ADAM10: variants seen among roughly 807,000 people sequenced by gnomAD.
The protein encoded by ADAM10 is ADAM metallopeptidase domain 10.
A neutral mutation model predicts 90.1 loss-of-function variants in ADAM10; 17 were observed. The ratio of observed to expected loss-of-function variants is 0.19; its 90% CI spans 0.13 to 0.28. The LOEUF is 0.28. Among genes scored for constraint, ADAM10 ranks in the 10% least tolerant of loss-of-function variants. The pLI is 1.00. For synonymous variants in ADAM10, 310 were observed against 298.6 expected, an observed-to-expected ratio of 1.04 and a Z score of -0.40; for missense variants, 610 against 914.3, an observed-to-expected ratio of 0.67 and a Z score of 4.29.
rs1162019655 is a variant in ADAM10, at chr15:58,679,169, G to T, written c.439C>A (p.Arg147=). ...VEPAERYIKD[R]TLPFHSVIYH... Reference sequence around the variant, plus strand: ...ATGACAGAGTGAAATGGCAGAGTTCGGTCTTTAATATATCTCTCTGCTGGC... The same window carrying T: ...ATGACAGAGTGAAATGGCAGAGTTCTGTCTTTAATATATCTCTCTGCTGGC... Residue 147 remains arginine, a synonymous_variant, in exon 4 of 16, where the codon CGA becomes AGA. Transcript: ENST00000260408. The T allele has an allele frequency of 1.2e-6, 2 of 1,613,810 alleles. No individual in the cohort carries two copies. The highest frequency in any genetic ancestry group is 4.5e-5 in the East Asian group (2 of 44,832).
At chr15:58,621,319 T>TAACC (rs1241641169) in intron 11 of ADAM10, 152 bp downstream of exon 11, 1 of 676,396 alleles carries the variant, frequency 1.5e-6, no homozygotes, top group African/African-American at 1.9e-5. Context: ...AACAGAGCAG[T>TAACC]AACCAACACT....
intron 2 of ADAM10, among the ~76,000 whole-genome samples, chr15:58,713,604 T>C (rs1365816438): frequency 6.6e-6 from 1 of 152,194 alleles, no homozygotes; most frequent in Non-Finnish European, 1.5e-5. Context: ...ATTCAGTGAT[T>C]TCTGAAACTC....
intron 14 of ADAM10, among the ~76,000 whole-genome samples, chr15:58,603,767 A>G (rs994720748): frequency 1.5e-4 from 23 of 152,024 alleles, no homozygotes; most frequent in Admixed American, 1.2e-3. Flanking sequence ...AAAGTACAGC[A>G]AAGTGTATAT....
At position 58,591,615 on chromosome 15, in the gene ADAM10, T is replaced by C. The variant is rs1200428973; in HGVS notation, c.*5932A>G. The C allele has an allele frequency of 6.6e-6, 1 of 152,012 alleles. No homozygotes were observed. Among genetic ancestry groups the C allele is most frequent in the African/African-American group, 2.4e-5 (1 of 41,382 alleles). The allele number at this position is 152,012 out of a possible 1,614,324, so 9.4% of individuals were successfully genotyped here. A position where few individuals can be genotyped will look rare whatever the true frequency, so the allele number is the denominator to read the frequency against. The stretch of plus-strand genomic sequence containing the variant: ...CAAATATAAACACAGGTAGAGAAAA[T>C]AGTATAATAAATCCCCAAGTGCCCA... On this transcript the variant is annotated 3_prime_UTR_variant, in exon 16 of 16. Transcript: ENST00000260408.
chr15:58,589,393 G>A lies in ADAM10; in HGVS notation c.*8154C>T, dbSNP rs1180556111. The A allele has an allele frequency of 6.6e-6, 1 of 152,218 alleles. No homozygotes were observed. The highest frequency in any genetic ancestry group is 1.9e-4 in the East Asian group (1 of 5,196). The allele number at this position is 152,218 out of a possible 1,614,324, so 9.4% of individuals were successfully genotyped here. On this transcript the variant is annotated 3_prime_UTR_variant, in exon 16 of 16. Transcript: ENST00000260408. ...ACCGAAACTCCAAAACTCAGGTCCA[G>A]CTTTTCTCCTCTGGGAAGTCATCTT...
In ADAM10 at chr15:58,612,079, G is replaced by A. The variant is rs531204671; in HGVS notation, c.1512-88C>T. ...ATATTAGATTAGATCCACATTATTA[G>A]ACATAGTACCAATTTTTAAATCCTA... On this transcript the variant is annotated intron_variant, in intron 11 of 15. Transcript: ENST00000260408. The A allele has an allele frequency of 8.4e-5, 106 of 1,259,986 alleles. No homozygotes were observed. In the African/African-American group the frequency reaches 1.4e-3, roughly 17 times the overall value. 78.1% of individuals were successfully genotyped at this position (1,259,986 alleles called of 1,614,324 possible). A position where few individuals can be genotyped will look rare whatever the true frequency, so the allele number is the denominator to read the frequency against.
At chr15:58,602,496 T>C (rs1402014745) in intron 14 of ADAM10, among the ~76,000 whole-genome samples, 1 of 152,142 alleles carries the variant, frequency 6.6e-6, no homozygotes. Context: ...TGTGCCACTA[T>C]AGCTCCCCAA....
chr15:58,668,204 C>T (rs1276788463), intron 4 of ADAM10, among the ~76,000 whole-genome samples: 1 of 152,024 alleles, frequency 6.6e-6, no homozygotes, highest in Non-Finnish European at 1.5e-5. Flanking sequence ...GAACCTTTGC[C>T]CTATTCATTA....
chr15:58,748,682 C>T (rs1162925453), intron 1 of ADAM10: 12 of 365,808 alleles, frequency 3.3e-5, no homozygotes, highest in Non-Finnish European at 4.9e-5. Context: ...AACTTCTACT[C>T]TAAGAGACCC....
At position 58,741,091 on chromosome 15, in the gene ADAM10, T is replaced by C. The variant is rs188097793; in HGVS notation, c.55+8389A>G. ...ATCATAGAGAATTCTATGTGTTCTTTTGAAAGCTAAATTCAAAGTTCAAAT... is the reference window on the plus strand; with the variant it reads ...ATCATAGAGAATTCTATGTGTTCTTCTGAAAGCTAAATTCAAAGTTCAAAT... On this transcript the variant is annotated intron_variant, in intron 1 of 15. Coordinates refer to ENST00000260408, the MANE Select transcript of ADAM10 (RefSeq NM_001110.4). 1.3e-3 allele frequency among the ~76,000 whole-genome samples: 196 copies of C among 152,348 alleles called. 2 individuals are homozygous for C. The highest frequency in any genetic ancestry group is 7.1e-4 in the Non-Finnish European group (48 of 68,034).
intron 3 of ADAM10, among the ~76,000 whole-genome samples, chr15:58,680,927 C>A (rs71478685): frequency 6.6e-6 from 1 of 152,144 alleles, no homozygotes; most frequent in Non-Finnish European, 1.5e-5. Flanking sequence ...CAGCAATCCT[C>A]CCACGTCAGC....
At chr15:58,634,562 A>G (rs1280853363) in intron 8 of ADAM10, among the ~76,000 whole-genome samples, 1 of 152,212 alleles carries the variant, frequency 6.6e-6, no homozygotes, top group Non-Finnish European at 1.5e-5. Flanking sequence ...GAGAAATCAG[A>G]AAAATAATAA....
At chr15:58,697,984 C>G (rs1898023602) in intron 2 of ADAM10, among the ~76,000 whole-genome samples, 1 of 152,144 alleles carries the variant, frequency 6.6e-6, no homozygotes, top group Non-Finnish European at 1.5e-5. Context: ...CCAAAATGCC[C>G]TACCCAATCA....
intron 8 of ADAM10, among the ~76,000 whole-genome samples, chr15:58,636,378 G>A (rs993626570): frequency 2.6e-5 from 4 of 151,966 alleles, no homozygotes; most frequent in Non-Finnish European, 4.4e-5. Flanking sequence ...TTGTAACTCT[G>A]AAAGTTATGG....
rs1204502316 is a variant in ADAM10, at chr15:58,749,482, C to T, written c.53G>A (p.Gly18Glu). The change falls in exon 1 of 16, where the codon GGA (glycine) becomes GAA (glutamate). Residue 18 changes from glycine (G) to glutamate (E), a missense_variant and splice_region_variant. Gly to Glu is a moderately conservative substitution (Grantham distance 98). Transcript: ENST00000260408. ...ILLLSWAAGMGGQYGNPLNKY... is the reference protein window; with the variant it reads ...ILLLSWAAGMEGQYGNPLNKY... Reference sequence around the variant, plus strand: ...CGGCGCTCGCAGTCGTGCCTCACCTCCCATCCCCGCCGCCCAGGAGAGGAG... The same window carrying T: ...CGGCGCTCGCAGTCGTGCCTCACCTTCCATCCCCGCCGCCCAGGAGAGGAG... 1 of 1,550,850 alleles carries T rather than the reference C, an allele frequency of 6.4e-7. No homozygotes were observed. Among genetic ancestry groups the T allele is most frequent in the South Asian group, 1.2e-5 (1 of 83,958 alleles).
At chr15:58,659,272 CA>C (rs1399469018) in intron 5 of ADAM10, among the ~76,000 whole-genome samples, 1 of 145,914 alleles carries the variant, frequency 6.9e-6, no homozygotes, top group Non-Finnish European at 1.5e-5. Context: ...GAATCCGTCT[CA>C]AAAAAGAAAA....
chr15:58,720,399 ATTTTATTTTTTTTTT>A lies in ADAM10; in HGVS notation c.56-2687_56-2673del, dbSNP rs1187845242. 8.1e-4 allele frequency among the ~76,000 whole-genome samples: 21 copies of A among 26,046 alleles called. No individual in the cohort carries two copies. In the East Asian group the frequency reaches 8.1e-3, roughly 10 times the overall value. 17.1% of individuals were successfully genotyped at this position (26,046 alleles called of 152,430 possible). ...ATTTTATTTTATTTTATTTTATTTT[ATTTTATTTTTTTTTT>A]TTTTGAGACAGAGTCTCGCTCTGTC... On this transcript the variant is annotated intron_variant, in intron 1 of 15. Coordinates refer to ENST00000260408, the MANE Select transcript of ADAM10 (RefSeq NM_001110.4).
At chr15:58,634,076 C>A (rs998317205) in intron 8 of ADAM10, among the ~76,000 whole-genome samples, 1 of 151,842 alleles carries the variant, frequency 6.6e-6, no homozygotes, top group South Asian at 2.1e-4. Context: ...TTTGGGAGGC[C>A]GAGGCAGGCA....
chr15:58,617,077 C>T (rs760887983), intron 11 of ADAM10, among the ~76,000 whole-genome samples: 1 of 151,520 alleles, frequency 6.6e-6, no homozygotes, highest in Non-Finnish European at 1.5e-5. Flanking sequence ...CCACTGCACT[C>T]CAGCCTGGGG....
Sources: allele counts gnomAD v4.1 joint callset (sites outside exome capture counted in the v4.1 genomes callset), GRCh38; gene constraint gnomAD v4.1.1; transcripts MANE v1.5; gene names NCBI Gene and HGNC (gene_info 2026-07-23, HGNC 2026-07-21).